GPD2: variants seen among roughly 807,000 people sequenced by gnomAD.
The protein encoded by GPD2 is glycerol-3-phosphate dehydrogenase, mitochondrial.
Under a neutral mutation model 82.4 loss-of-function variants are expected in GPD2, and 54 were observed. That is an observed-to-expected ratio of 0.66 (90% CI 0.53 to 0.82). The LOEUF (loss-of-function observed/expected upper bound fraction) is 0.82. Among genes scored for constraint, GPD2 ranks in the 40% least tolerant of loss-of-function variants. The pLI, the probability that GPD2 is intolerant of heterozygous loss-of-function variation, is 0.00. For synonymous variants in GPD2, 288 were observed against 306.1 expected (o/e 0.94, Z 0.62); for missense variants, 748 against 896.2 (o/e 0.83, Z 2.11).
In GPD2 at chr2:156,549,626, G is replaced by A. The variant is rs764627396; in HGVS notation, c.680G>A (p.Arg227Gln). Residue 227 changes from arginine (R) to glutamine (Q), a missense_variant, in exon 7 of 17, where the codon CGG becomes CAG. Transcript: ENST00000438166. Reference protein sequence around the residue: ...VYYDGQHNDARMNLAIALTAA... With the variant: ...VYYDGQHNDAQMNLAIALTAA... ...GCTGCAGGACAACATAACGATGCACGGATGAACCTTGCCATTGCTCTGACT... is the reference window on the plus strand; with the variant it reads ...GCTGCAGGACAACATAACGATGCACAGATGAACCTTGCCATTGCTCTGACT... 28 of 1,613,908 alleles carry A rather than the reference G, an allele frequency of 1.7e-5. No individual in the cohort carries two copies. The highest frequency in any genetic ancestry group is 6.7e-5 in the Admixed American group (4 of 59,988).
upstream of GPD2, among the ~76,000 whole-genome samples, chr2:156,433,815 C>A (rs186124283): frequency 1.1e-4 from 17 of 152,224 alleles, no homozygotes; most frequent in East Asian, 2.3e-3. Context: ...ATTTAAACAT[C>A]AGTTATATTC....
chr2:156,529,842 C>T (rs940122393), intron 6 of GPD2, among the ~76,000 whole-genome samples: 1 of 152,046 alleles, frequency 6.6e-6, no homozygotes, highest in East Asian at 1.9e-4. Flanking sequence ...GTTACTGTAG[C>T]CTTGTAGTAT....
intron 16 of GPD2, among the ~76,000 whole-genome samples, chr2:156,581,811 A>T (rs920899845): frequency 1.3e-5 from 2 of 152,028 alleles, no homozygotes; most frequent in Non-Finnish European, 2.9e-5. Flanking sequence ...TGAAATTCTG[A>T]TCCAGCCCCT....
chr2:156,471,189 C>T (rs536036167), intron 1 of GPD2, among the ~76,000 whole-genome samples: 1 of 152,208 alleles, frequency 6.6e-6, no homozygotes, highest in Non-Finnish European at 1.5e-5. Flanking sequence ...TCTTGTCATG[C>T]TGTCTAATTG....
At chr2:156,484,408 A>G (rs181649645) in intron 2 of GPD2, among the ~76,000 whole-genome samples, 13 of 152,146 alleles carry the variant, frequency 8.5e-5, no homozygotes, top group African/African-American at 2.9e-4. Context: ...AAGAGCCGGG[A>G]TTACAGGCGT....
In GPD2 at chr2:156,541,824, G is replaced by GTTTTTTTTTTTT. The variant is rs61067726; in HGVS notation, c.662-7773_662-7762dup. Among the ~76,000 whole-genome samples, 28 of 81,458 alleles carry GTTTTTTTTTTTT rather than the reference G, an allele frequency of 3.4e-4. 1 individual carries two copies. Among genetic ancestry groups the GTTTTTTTTTTTT allele is most frequent in the East Asian group, 8.2e-4 (2 of 2,432 alleles). The allele number at this position is 81,458 out of a possible 152,430, so 53.4% of individuals were successfully genotyped here. A position where few individuals can be genotyped will look rare whatever the true frequency, so the allele number is the denominator to read the frequency against. On this transcript the variant is annotated intron_variant, in intron 6 of 16. Coordinates refer to ENST00000438166, the MANE Select transcript of GPD2 (RefSeq NM_000408.5). ...TCCTTAAACGTATAAAATGCTGTTTGTTTTTTTTTTTTTTTTTTTTTTGGC... is the reference window on the plus strand; with the variant it reads ...TCCTTAAACGTATAAAATGCTGTTTGTTTTTTTTTTTTTTTTTTTTTTTTTTTTTTTTTTGGC...
chr2:156,420,730 T>TA, the GPD2 span, among the ~76,000 whole-genome samples: 1 of 152,202 alleles, frequency 6.6e-6, no homozygotes, highest in Non-Finnish European at 1.5e-5. Flanking sequence ...TAGAAATTGA[T>TA]ATATAAGAAG....
intron 1 of GPD2, among the ~76,000 whole-genome samples, chr2:156,458,891 A>C (rs948314699): frequency 2.0e-5 from 3 of 152,152 alleles, no homozygotes; most frequent in Admixed American, 6.5e-5. Flanking sequence ...AGAAAATAAA[A>C]ATGATTCATA....
At chr2:156,402,317 A>G in the GPD2 span, among the ~76,000 whole-genome samples, 1 of 152,250 alleles carries the variant, frequency 6.6e-6, no homozygotes. Flanking sequence ...CTTCTCCATT[A>G]AGATTCATCT....
chr2:156,522,282 C>G (rs2105289688), intron 6 of GPD2, among the ~76,000 whole-genome samples: 1 of 152,258 alleles, frequency 6.6e-6, no homozygotes, highest in East Asian at 1.9e-4. Context: ...TTAAAATCCA[C>G]CAAAGTAGAT....
intron 6 of GPD2, among the ~76,000 whole-genome samples, chr2:156,539,692 C>A (rs780158507): frequency 4.6e-5 from 7 of 152,114 alleles, no homozygotes; most frequent in African/African-American, 2.4e-5. Context: ...GCAGGTTGAG[C>A]CATTCCAGCA....
chr2:156,472,881 A>G (rs1683381257), intron 1 of GPD2, among the ~76,000 whole-genome samples: 1 of 152,210 alleles, frequency 6.6e-6, no homozygotes, highest in African/African-American at 2.4e-5. Context: ...CTTAGTAGGC[A>G]GTGACTTTGG....
chr2:156,511,059 TA>T, intron 4 of GPD2, 139 bp downstream of exon 4: 1 of 806,100 alleles, frequency 1.2e-6, no homozygotes, highest in Non-Finnish European at 2.2e-6. Context: ...TCTGCTGGAA[TA>T]TCTTTCAGGA....
At chr2:156,517,674 C>T (rs1306725752) in intron 6 of GPD2, among the ~76,000 whole-genome samples, 2 of 152,146 alleles carry the variant, frequency 1.3e-5, no homozygotes, top group Admixed American at 1.3e-4. Context: ...GTGTTTAGGG[C>T]ATGGCATGCC....
At chr2:156,505,148 T>G (rs1246760325) in intron 3 of GPD2, among the ~76,000 whole-genome samples, 1 of 152,162 alleles carries the variant, frequency 6.6e-6, no homozygotes, top group Non-Finnish European at 1.5e-5. Flanking sequence ...ATGAATTGGT[T>G]TAGTTGGAAG....
chr2:156,473,208 G>T (rs1008051847), intron 1 of GPD2, among the ~76,000 whole-genome samples: 2 of 152,130 alleles, frequency 1.3e-5, no homozygotes, highest in African/African-American at 2.4e-5. Context: ...ATGGAAAAAG[G>T]AAAACTCTTT....
chr2:156,481,145 A>G lies in GPD2; in HGVS notation c.102+4938A>G, dbSNP rs185828435. Reference sequence around the variant, plus strand: ...TTTTGAGGTATGTTTCCTTACCTTTATTTATTTACATATTTATTCCTTTAT... The same window carrying G: ...TTTTGAGGTATGTTTCCTTACCTTTGTTTATTTACATATTTATTCCTTTAT... On this transcript the variant is annotated intron_variant, in intron 2 of 16. Transcript: ENST00000438166. Among the ~76,000 whole-genome samples, 72 of 151,730 alleles carry G rather than the reference A, an allele frequency of 4.7e-4. 1 individual carries two copies. Among genetic ancestry groups the G allele is most frequent in the Non-Finnish European group, 7.4e-5 (5 of 67,948 alleles).
the GPD2 span, among the ~76,000 whole-genome samples, chr2:156,420,926 G>A: frequency 2.6e-5 from 4 of 152,178 alleles, no homozygotes; most frequent in Non-Finnish European, 5.9e-5. Flanking sequence ...AAAACAAATG[G>A]ATGGGACCTG....
the GPD2 span, among the ~76,000 whole-genome samples, chr2:156,413,563 G>T: frequency 6.7e-6 from 1 of 149,532 alleles, no homozygotes; most frequent in Non-Finnish European, 1.5e-5. Context: ...CAGCCTGGGT[G>T]TGACAGAGTG....
Sources: gnomAD v4.1 joint callset for allele counts (sites outside exome capture counted in the v4.1 genomes callset) on GRCh38, gnomAD v4.1.1 for gene constraint, MANE v1.5 for transcripts, NCBI Gene and HGNC (gene_info 2026-07-23, HGNC 2026-07-21) for gene names.